Variants in MIER1 observed in about 807,000 individuals in gnomAD.
The protein encoded by MIER1 is MIER1 transcriptional regulator.
Under a neutral mutation model 75.7 loss-of-function variants are expected in MIER1, and 40 were observed. That is an observed-to-expected ratio of 0.53 (90% CI 0.41 to 0.69). The LOEUF is 0.69. Among genes scored for constraint, MIER1 ranks in the 30% least tolerant of loss-of-function variants. The pLI is 0.00. For synonymous variants in MIER1, 213 were observed against 223.4 expected (o/e 0.95, Z 0.42); for missense variants, 574 against 680.2 (o/e 0.84, Z 1.74).
intron 4 of MIER1, among the ~76,000 whole-genome samples, chr1:66,948,719 C>T (rs146173329): frequency 9.6e-4 from 146 of 152,180 alleles, no homozygotes; most frequent in African/African-American, 3.4e-3. Flanking sequence ...ATAGTGAGAC[C>T]ACCATCTCTG....
intron 1 of MIER1, 157 bp downstream of exon 1, chr1:66,925,252 C>G: frequency 1.0e-6 from 1 of 983,076 alleles, no homozygotes. Flanking sequence ...TGCCGCAGAA[C>G]GCGCCTGGCT....
chr1:66,980,372 A>G (rs1377753947), intron 12 of MIER1, among the ~76,000 whole-genome samples: 1 of 152,220 alleles, frequency 6.6e-6, no homozygotes, highest in Non-Finnish European at 1.5e-5. Context: ...TGTAAATTGC[A>G]TAGGTCATGG....
intron 2 of MIER1, among the ~76,000 whole-genome samples, chr1:66,938,399 T>C (rs935384826): frequency 6.6e-6 from 1 of 152,178 alleles, no homozygotes; most frequent in Admixed American, 6.5e-5. Context: ...TTTGTGTGGA[T>C]AGTGAGCTAG....
intron 2 of MIER1, among the ~76,000 whole-genome samples, chr1:66,927,389 A>T (rs753989390): frequency 2.6e-5 from 4 of 152,146 alleles, no homozygotes; most frequent in Non-Finnish European, 4.4e-5. Context: ...TAAAAATTTT[A>T]TACACAATTC....
intron 2 of MIER1, among the ~76,000 whole-genome samples, chr1:66,930,061 C>G (rs548976369): frequency 1.3e-5 from 2 of 152,112 alleles, no homozygotes; most frequent in African/African-American, 4.8e-5. Flanking sequence ...GCGCCCCGCG[C>G]GGTTGCCCAC....
chr1:66,983,632 AT>A (rs142482232), intron 13 of MIER1, among the ~76,000 whole-genome samples: 11,161 of 152,294 alleles, frequency 0.073, 502 homozygotes, highest in African/African-American at 0.12. Context: ...TAAGTAAATA[AT>A]TTAGCACTTT....
intron 7 of MIER1, 50 bp downstream of exon 7, chr1:66,959,793 A>T (rs34957598): frequency 0.042 from 38,312 of 921,356 alleles, 921 homozygotes; most frequent in Non-Finnish European, 0.049. Context: ...ATATTTTTTT[A>T]AAAAGCCTCG....
At chr1:66,939,170 T>A (rs1400947090) in intron 2 of MIER1, among the ~76,000 whole-genome samples, 1 of 152,176 alleles carries the variant, frequency 6.6e-6, no homozygotes, top group Admixed American at 6.5e-5. Flanking sequence ...TTCATGTTAT[T>A]TGAAGCATCT....
intron 4 of MIER1, among the ~76,000 whole-genome samples, chr1:66,956,939 A>C (rs1165794330): frequency 6.6e-6 from 1 of 152,226 alleles, no homozygotes; most frequent in East Asian, 1.9e-4. Context: ...TATCCATTGT[A>C]GCAATGTGTT....
intron 3 of MIER1, among the ~76,000 whole-genome samples, chr1:66,941,914 AG>A (rs1273244542): frequency 2.0e-5 from 3 of 149,054 alleles, no homozygotes; most frequent in Non-Finnish European, 4.4e-5. Context: ...GGTTGCAGTG[AG>A]CTGAGATCAT....
At chr1:66,931,252 C>G (rs893972521) in intron 2 of MIER1, among the ~76,000 whole-genome samples, 6 of 152,016 alleles carry the variant, frequency 3.9e-5, no homozygotes. Flanking sequence ...ATTTATTAAT[C>G]GGAACTAAGT....
chr1:66,956,824 C>A (rs1660233082), intron 4 of MIER1, among the ~76,000 whole-genome samples: 1 of 152,196 alleles, frequency 6.6e-6, no homozygotes, highest in African/African-American at 2.4e-5. Flanking sequence ...CTTCCTAGTT[C>A]TTCCTAAGAA....
intron 2 of MIER1, among the ~76,000 whole-genome samples, chr1:66,933,741 C>T (rs1408553301): frequency 6.6e-6 from 1 of 152,006 alleles, no homozygotes; most frequent in Non-Finnish European, 1.5e-5. Context: ...ATCACCAGTG[C>T]GTGAGAGTCC....
Position 66,925,106 on chromosome 1 carries a change from C to T in MIER1, c.67+11C>T, listed in dbSNP as rs1352884837. The T allele has an allele frequency of 1.3e-6, 2 of 1,546,094 alleles. No homozygotes were observed. Among genetic ancestry groups the T allele is most frequent in the South Asian group, 2.4e-5 (2 of 83,780 alleles). On this transcript the variant is annotated intron_variant, in intron 1 of 13. Coordinates refer to ENST00000401041, the MANE Select transcript of MIER1 (RefSeq NM_001077700.3). The stretch of plus-strand genomic sequence containing the variant: ...GCAGCGGCAGCGGCTGTAAGTGCAG[C>T]CTCCACAAGCCATCTCTCCCCTTCT...
In MIER1 at chr1:66,985,331, C is replaced by T. The variant is rs1666641655; in HGVS notation, c.*431C>T. 6 of 985,376 alleles carry T rather than the reference C, an allele frequency of 6.1e-6. No individual in the cohort carries two copies. Among genetic ancestry groups the T allele is most frequent in the East Asian group, 1.1e-4 (1 of 8,964 alleles). The allele number at this position is 985,376 out of a possible 1,614,324, so 61.0% of individuals were successfully genotyped here. On this transcript the variant is annotated 3_prime_UTR_variant, in exon 14 of 14. Coordinates refer to ENST00000401041, the MANE Select transcript of MIER1 (RefSeq NM_001077700.3). ...CCAAATTTCTGCTTAATACCAATTT[C>T]TCTGAGTTTCTTGAAATGTCTTTAA...
chr1:66,930,131 G>C, intron 2 of MIER1: 1 of 1,061,292 alleles, frequency 9.4e-7, no homozygotes, highest in Non-Finnish European at 1.2e-6. Context: ...GGCTGGCCGC[G>C]GGGCCGCGCG....
chr1:66,958,800 C>T (rs376526544), intron 5 of MIER1, 51 bp from the exon 6 acceptor site: 7 of 1,471,346 alleles, frequency 4.8e-6, no homozygotes, highest in Non-Finnish European at 6.5e-6. Flanking sequence ...GGTCTTTCAT[C>T]TGCAACTGTT....
chr1:66,962,602 A>G (rs1426838175), intron 7 of MIER1, among the ~76,000 whole-genome samples: 2 of 152,070 alleles, frequency 1.3e-5, no homozygotes, highest in East Asian at 3.9e-4. Context: ...GAATTGCTTG[A>G]GCCTGGGAGG....
At chr1:66,975,481 G>C (rs1349853724) in intron 11 of MIER1, among the ~76,000 whole-genome samples, 1 of 151,808 alleles carries the variant, frequency 6.6e-6, no homozygotes, top group South Asian at 2.1e-4. Flanking sequence ...TAGCGGTTTG[G>C]TGCCACTGTA....
Sources: gnomAD v4.1 joint callset for allele counts (sites outside exome capture counted in the v4.1 genomes callset) on GRCh38, gnomAD v4.1.1 for gene constraint, MANE v1.5 for transcripts, NCBI Gene and HGNC (gene_info 2026-07-23, HGNC 2026-07-21) for gene names.